The following HHAT variants were observed in gnomAD, a reference collection of about 807,000 sequenced individuals.
HHAT encodes hedgehog acyltransferase, also known as protein-cysteine N-palmitoyltransferase HHAT.
A neutral mutation model predicts 70.8 loss-of-function variants in HHAT; 47 were observed. The ratio of observed to expected loss-of-function variants is 0.66; its 90% CI spans 0.53 to 0.85. The LOEUF is 0.85. Among genes scored for constraint, HHAT ranks in the 40% least tolerant of loss-of-function variants. HHAT has a pLI of 0.00. For synonymous variants in HHAT, 228 were observed against 247.6 expected (o/e 0.92, Z 0.74); for missense variants, 609 against 604.8 (o/e 1.01, Z -0.07).
In HHAT at chr1:210,507,544, A is replaced by G. The variant is rs577780805; in HGVS notation, c.1008-5609A>G. On this transcript the variant is annotated intron_variant, in intron 8 of 11. Coordinates refer to ENST00000261458, the MANE Select transcript of HHAT (RefSeq NM_018194.6). ...CCTGGCTAATTTTTGTATTTTTAGT[A>G]GAAACAGGGTTTCATCATTTTGGCC... 9.0e-4 allele frequency among the ~76,000 whole-genome samples: 136 copies of G among 151,870 alleles called. 2 individuals carry two copies. The South Asian group carries it at 0.028, about 31-fold the overall frequency.
intron 9 of HHAT, among the ~76,000 whole-genome samples, chr1:210,543,551 G>A (rs1157624915): frequency 1.3e-5 from 2 of 151,990 alleles, no homozygotes; most frequent in Non-Finnish European, 2.9e-5. Flanking sequence ...CTGTGATTGT[G>A]TCACTGCACT....
intron 10 of HHAT, among the ~76,000 whole-genome samples, chr1:210,607,866 C>T (rs1573688935): frequency 6.6e-6 from 1 of 152,140 alleles, no homozygotes. Context: ...ACACCCTGCT[C>T]ATTTTCCTCC....
At chr1:210,480,681 C>CT (rs1319586228) in intron 8 of HHAT, among the ~76,000 whole-genome samples, 1 of 152,208 alleles carries the variant, frequency 6.6e-6, no homozygotes, top group Non-Finnish European at 1.5e-5. Flanking sequence ...AACCTGGCAG[C>CT]TGTCTACCTG....
At chr1:210,492,088 T>A (rs2094560886) in intron 8 of HHAT, among the ~76,000 whole-genome samples, 1 of 152,086 alleles carries the variant, frequency 6.6e-6, no homozygotes, top group African/African-American at 2.4e-5. Context: ...ATAAGCTACT[T>A]TCTCTGCCTA....
At chr1:210,667,844 T>C (rs1281160540) in intron 11 of HHAT, among the ~76,000 whole-genome samples, 1 of 152,216 alleles carries the variant, frequency 6.6e-6, no homozygotes, top group Non-Finnish European at 1.5e-5. Flanking sequence ...ACATAAAATT[T>C]ACCATTTTAA....
chr1:210,371,989 T>A (rs2089612052), intron 3 of HHAT, among the ~76,000 whole-genome samples: 1 of 152,216 alleles, frequency 6.6e-6, no homozygotes, highest in Non-Finnish European at 1.5e-5. Context: ...TGCTTTCTGA[T>A]CTGGGTTGTG....
chr1:210,644,115 A>C (rs73065511), intron 11 of HHAT, among the ~76,000 whole-genome samples: 2,106 of 152,216 alleles, frequency 0.014, 53 homozygotes, highest in African/African-American at 0.046. Flanking sequence ...CTCTGGCCTA[A>C]CCCTCCCATT....
chr1:210,656,919 C>T (rs556998532), intron 11 of HHAT, among the ~76,000 whole-genome samples: 22 of 152,300 alleles, frequency 1.4e-4, no homozygotes, highest in African/African-American at 3.8e-4. Flanking sequence ...ATGTGGACAG[C>T]GCCACCACTG....
At chr1:210,444,347 G>T (rs1292840699) in intron 7 of HHAT, among the ~76,000 whole-genome samples, 4 of 141,064 alleles carry the variant, frequency 2.8e-5, no homozygotes, top group African/African-American at 1.0e-4. Context: ...GTATCAGAAT[G>T]ATGCTGGCCT....
At chr1:210,660,991 C>G (rs1202970879) in intron 11 of HHAT, among the ~76,000 whole-genome samples, 2 of 152,154 alleles carry the variant, frequency 1.3e-5, no homozygotes, top group African/African-American at 4.8e-5. Flanking sequence ...CAATACCATT[C>G]AGGACATAGG....
chr1:210,363,053 G>GGT (rs537014491), intron 3 of HHAT, 134 bp downstream of exon 3: 232 of 745,494 alleles, frequency 3.1e-4, no homozygotes, highest in Admixed American at 8.2e-4. Context: ...TTGCCGTAAA[G>GGT]GTGTGAGTGT....
chr1:210,496,010 C>CAAAAAAAAAAAAAAAAAAAAA (rs10639399), intron 8 of HHAT, among the ~76,000 whole-genome samples: 26 of 67,932 alleles, frequency 3.8e-4, no homozygotes, highest in Non-Finnish European at 5.2e-4. Flanking sequence ...AACTCTATCT[C>CAAAAAAAAAAAAAAAAAAAAA]AAAAAAAAAA....
intron 10 of HHAT, among the ~76,000 whole-genome samples, chr1:210,615,375 G>A (rs1426127498): frequency 1.3e-5 from 2 of 152,084 alleles, no homozygotes; most frequent in Non-Finnish European, 2.9e-5. Flanking sequence ...TCTTTGCGAT[G>A]GGTTCGAACT....
chr1:210,387,244 C>A (rs1031154435), intron 3 of HHAT, among the ~76,000 whole-genome samples: 2 of 152,164 alleles, frequency 1.3e-5, no homozygotes, highest in Non-Finnish European at 2.9e-5. Flanking sequence ...CAATGGCAAT[C>A]ATTCCGGTTA....
intron 9 of HHAT, among the ~76,000 whole-genome samples, chr1:210,582,339 G>A (rs1401253410): frequency 3.9e-5 from 6 of 152,146 alleles, no homozygotes; most frequent in Non-Finnish European, 8.8e-5. Context: ...CCCCAGCCCG[G>A]CCGAGGAATG....
chr1:210,337,509 A>G (rs993936360), intron 1 of HHAT, among the ~76,000 whole-genome samples: 1 of 152,164 alleles, frequency 6.6e-6, no homozygotes, highest in Non-Finnish European at 1.5e-5. Context: ...GTTCTAGGGA[A>G]CAATCTTTTT....
In HHAT at chr1:210,661,236, A is replaced by G. The variant is rs545192018; in HGVS notation, c.1391-13052A>G. Reference sequence around the variant, plus strand: ...AAATTTACAAGAAAGAAAAAACCCCATCAAAAAGTGGACAAAGGATAGGAA... The same window carrying G: ...AAATTTACAAGAAAGAAAAAACCCCGTCAAAAAGTGGACAAAGGATAGGAA... On this transcript the variant is annotated intron_variant, in intron 11 of 11. Coordinates refer to ENST00000261458, the MANE Select transcript of HHAT (RefSeq NM_018194.6). Among the ~76,000 whole-genome samples, 23 of 138,802 alleles carry G rather than the reference A, an allele frequency of 1.7e-4. 1 individual carries two copies. In the South Asian group the frequency reaches 5.1e-3, roughly 31 times the overall value. 91.1% of individuals were successfully genotyped at this position (138,802 alleles called of 152,430 possible).
intron 8 of HHAT, among the ~76,000 whole-genome samples, chr1:210,464,871 A>G (rs2094066443): frequency 6.6e-6 from 1 of 150,932 alleles, no homozygotes; most frequent in African/African-American, 2.4e-5. Flanking sequence ...GAGATAAGAA[A>G]GTTTCTTTCT....
Position 210,494,632 on chromosome 1 carries a change from A to G in HHAT, c.1008-18521A>G, listed in dbSNP as rs534900916. Among the ~76,000 whole-genome samples, 15 of 138,466 alleles carry G rather than the reference A, an allele frequency of 1.1e-4. No homozygotes were observed. In the South Asian group the frequency reaches 3.1e-3, roughly 29 times the overall value. 90.8% of individuals were successfully genotyped at this position (138,466 alleles called of 152,430 possible). ...AATGGTGCAGTCTTGGCTCACTGCA[A>G]CCTCTGCCTCCCAGGTTCAAGTGAT... On this transcript the variant is annotated intron_variant, in intron 8 of 11. Transcript: ENST00000261458.
Sources: allele counts gnomAD v4.1 joint callset (sites outside exome capture counted in the v4.1 genomes callset), GRCh38; gene constraint gnomAD v4.1.1; transcripts MANE v1.5; gene names NCBI Gene and HGNC (gene_info 2026-07-23, HGNC 2026-07-21).